The following ING5 variants were observed in gnomAD, a reference collection of about 807,000 sequenced individuals.
The protein encoded by ING5 is inhibitor of growth protein 5.
Under a neutral mutation model 37.4 loss-of-function variants are expected in ING5, and 17 were observed. The ratio of observed to expected loss-of-function variants is 0.45; its 90% CI spans 0.31 to 0.68. ING5 has a LOEUF of 0.68. Among genes scored for constraint, ING5 ranks in the 30% least tolerant of loss-of-function variants. ING5 has a pLI of 0.05. For missense variants in ING5, 233 were observed against 311.9 expected, an observed-to-expected ratio of 0.75 and a Z score of 1.91; for synonymous variants, 123 against 116.6, an observed-to-expected ratio of 1.06 and a Z score of -0.36.
At chr2:241,716,918 T>C (rs2070288787) in intron 5 of ING5, among the ~76,000 whole-genome samples, 1 of 152,134 alleles carries the variant, frequency 6.6e-6, no homozygotes, top group South Asian at 2.1e-4. Flanking sequence ...GAATTTCATT[T>C]AGATAGGAGG....
intron 5 of ING5, among the ~76,000 whole-genome samples, chr2:241,713,360 A>C (rs1046512618): frequency 7.7e-6 from 1 of 130,466 alleles, no homozygotes; most frequent in African/African-American, 3.0e-5. Context: ...ACCCGACCCA[A>C]TTTTCAGTTT....
At chr2:241,700,150 GTT>G (rs780209565), upstream of ING5, among the ~76,000 whole-genome samples, 3,813 of 73,266 alleles carry the variant, frequency 0.052, 79 homozygotes, top group African/African-American at 0.14. Context: ...GCCCGGCTAA[GTT>G]TTTTTTTTTT....
chr2:241,700,071 G>T (rs535603179), upstream of ING5, among the ~76,000 whole-genome samples: 4 of 143,776 alleles, frequency 2.8e-5, no homozygotes, highest in East Asian at 6.3e-4. Flanking sequence ...CAACCTCCAC[G>T]TACCAGGTTC....
At chr2:241,719,261 T>C (rs1483852589) in intron 5 of ING5, among the ~76,000 whole-genome samples, 1 of 152,238 alleles carries the variant, frequency 6.6e-6, no homozygotes. Flanking sequence ...ACTATAAATG[T>C]CGGTGGGGAC....
upstream of ING5, among the ~76,000 whole-genome samples, chr2:241,698,082 C>CAAAA (rs138451940): frequency 0.01 from 868 of 84,552 alleles, 19 homozygotes; most frequent in African/African-American, 0.04. Context: ...GGCTCCATCT[C>CAAAA]AAAAAAAAAA....
intron 5 of ING5, among the ~76,000 whole-genome samples, chr2:241,718,283 T>C (rs944865399): frequency 6.6e-6 from 1 of 150,978 alleles, no homozygotes; most frequent in Non-Finnish European, 1.5e-5. Context: ...ACCTTCCCTT[T>C]CCTTCTTTCT....
chr2:241,715,649 AT>A (rs1052801945), intron 5 of ING5, among the ~76,000 whole-genome samples: 1 of 149,232 alleles, frequency 6.7e-6, no homozygotes, highest in Non-Finnish European at 1.5e-5. Flanking sequence ...TGCCTGGCTA[AT>A]TTTTTTTTGT....
At position 241,705,330 on chromosome 2, in the gene ING5, A is replaced by G. The variant is rs184650940; in HGVS notation, c.109+606A>G. 1.4e-3 allele frequency among the ~76,000 whole-genome samples: 205 copies of G among 150,876 alleles called. 2 individuals are homozygous for G. The highest frequency in any genetic ancestry group is 3.0e-3 in the African/African-American group (124 of 40,938). ...CCTCACCTCATGATCTGCCCGCCTCAGCCTCCCAAAGTGCTGGGATTACAA... is the reference window on the plus strand; with the variant it reads ...CCTCACCTCATGATCTGCCCGCCTCGGCCTCCCAAAGTGCTGGGATTACAA... On this transcript the variant is annotated intron_variant, in intron 2 of 7. Transcript: ENST00000313552.
intron 2 of ING5, among the ~76,000 whole-genome samples, chr2:241,692,312 A>G (rs147661509): frequency 0.013 from 2,030 of 150,812 alleles, 43 homozygotes; most frequent in African/African-American, 0.047. Context: ...TTTTATTTTA[A>G]TTTTTTTTTC....
chr2:241,716,098 G>A (rs1490586609), intron 5 of ING5, among the ~76,000 whole-genome samples: 4 of 151,756 alleles, frequency 2.6e-5, no homozygotes, highest in Admixed American at 6.6e-5. Context: ...ACCGCACCCG[G>A]CCTTCATTGC....
chr2:241,721,701 A>G (rs1007926286), intron 5 of ING5: 1 of 985,424 alleles, frequency 1.0e-6, no homozygotes, highest in Non-Finnish European at 1.2e-6. Flanking sequence ...GGGATAGGGA[A>G]GATACTTTTT....
At chr2:241,724,658 G>A in intron 7 of ING5, 1 of 386,650 alleles carries the variant, frequency 2.6e-6, no homozygotes, top group Non-Finnish European at 4.8e-6. Flanking sequence ...GGTACCTGCA[G>A]CCCCCACAGA....
In ING5 at chr2:241,728,769, G is replaced by T. The variant is rs934969272; in HGVS notation, c.*3738G>T. On this transcript the variant is annotated 3_prime_UTR_variant, in exon 8 of 8. Transcript: ENST00000313552. The stretch of plus-strand genomic sequence containing the variant: ...GGAGGCCTACGTGGCTGCCTGAGCA[G>T]CAGCTGACCGCCCGTCTCACTGTTG... 1 of 152,370 alleles carries T rather than the reference G, an allele frequency of 6.6e-6. No homozygotes were observed. Among genetic ancestry groups the T allele is most frequent in the African/African-American group, 2.4e-5 (1 of 41,472 alleles). The allele number at this position is 152,370 out of a possible 1,614,324, so 9.4% of individuals were successfully genotyped here.
upstream of ING5, among the ~76,000 whole-genome samples, chr2:241,697,157 C>T (rs144099152): frequency 0.027 from 4,012 of 149,312 alleles, 242 homozygotes; most frequent in East Asian, 0.22. Context: ...CATGGGTGGC[C>T]AGGGGCTGTG....
chr2:241,702,284 G>A (rs937718297), intron 1 of ING5, among the ~76,000 whole-genome samples, 182 bp downstream of exon 1: 10 of 148,124 alleles, frequency 6.8e-5, no homozygotes, highest in African/African-American at 2.4e-4. Context: ...GAGGGCGCGG[G>A]GGGCGGGCGC....
chr2:241,723,783 T>C (rs1015673612), intron 7 of ING5: 1 of 1,598,216 alleles, frequency 6.3e-7, no homozygotes, highest in Non-Finnish European at 8.5e-7. Flanking sequence ...TGCATTGTTG[T>C]TCCTCAGATT....
intron 7 of ING5, chr2:241,723,846 C>T: frequency 1.9e-6 from 3 of 1,550,832 alleles, no homozygotes; most frequent in Non-Finnish European, 2.6e-6. Context: ...CCCAACTCTA[C>T]AAAAAATACA....
chr2:241,723,749 A>G, intron 7 of ING5: 1 of 1,597,950 alleles, frequency 6.3e-7, no homozygotes, highest in Non-Finnish European at 8.5e-7. Flanking sequence ...TGACCCTTGC[A>G]TCCCCTTGGC....
In ING5 at chr2:241,709,411, T is replaced by C. The variant is rs1419672885; in HGVS notation, c.276+29T>C. ...AGGGCGGGGCGGGGGCCATGGCTCT[T>C]CCTCTGACCTCTACTCCTGCCTCTC... On this transcript the variant is annotated intron_variant, in intron 3 of 7. Transcript: ENST00000313552. 3 of 1,589,404 alleles carry C rather than the reference T, an allele frequency of 1.9e-6. No individual in the cohort carries two copies. The African/African-American group carries it at 4.0e-5, about 21-fold the overall frequency.
Sources: allele counts gnomAD v4.1 joint callset (sites outside exome capture counted in the v4.1 genomes callset), GRCh38; gene constraint gnomAD v4.1.1; transcripts MANE v1.5; gene names NCBI Gene and HGNC (gene_info 2026-07-23, HGNC 2026-07-21).